Variants in GRID2 observed in about 807,000 individuals in gnomAD.
The protein encoded by GRID2 is glutamate receptor ionotropic, delta-2.
In GRID2, 33 loss-of-function variants were observed where a neutral mutation model predicts 114.8. The observed-to-expected ratio is 0.29, with a 90% CI of 0.22 to 0.38. The LOEUF (loss-of-function observed/expected upper bound fraction) is 0.38, where lower values mean the gene tolerates loss of function less well. Among genes scored for constraint, GRID2 ranks in the 10% least tolerant of loss-of-function variants. The pLI is 1.00. For missense variants in GRID2, 1,184 were observed against 1,257.7 expected (o/e 0.94, Z 0.89); for synonymous variants, 505 against 449.9 (o/e 1.12, Z -1.55).
intron 13 of GRID2, among the ~76,000 whole-genome samples, chr4:93,584,821 C>CA (rs960323232): frequency 1.3e-4 from 19 of 151,812 alleles, no homozygotes; most frequent in Non-Finnish European, 2.4e-4. Context: ...GATTAGGAAA[C>CA]AAAAATCAGT....
chr4:93,206,628 ACG>A (rs1742826378), intron 4 of GRID2, among the ~76,000 whole-genome samples: 1 of 150,818 alleles, frequency 6.6e-6, no homozygotes, highest in East Asian at 1.9e-4. Context: ...ACACACACAC[ACG>A]CATGCACACA....
At chr4:93,542,597 G>A (rs989895793) in intron 13 of GRID2, among the ~76,000 whole-genome samples, 1 of 152,070 alleles carries the variant, frequency 6.6e-6, no homozygotes, top group Non-Finnish European at 1.5e-5. Context: ...ATAAGATACG[G>A]GAAGCCATGA....
At position 92,713,080 on chromosome 4, in the gene GRID2, T is replaced by C. The variant is rs555723718; in HGVS notation, c.244+122794T>C. Among the ~76,000 whole-genome samples the C allele has an allele frequency of 3.9e-5, 6 of 152,060 alleles. No homozygotes were observed. The East Asian group carries it at 1.2e-3, about 30-fold the overall frequency. ...TTACATATGTATACATGTGCCATGTTGGTGTGCTGCACCCACTAACTCATC... is the reference window on the plus strand; with the variant it reads ...TTACATATGTATACATGTGCCATGTCGGTGTGCTGCACCCACTAACTCATC... On this transcript the variant is annotated intron_variant, in intron 2 of 15. Coordinates refer to ENST00000282020, the MANE Select transcript of GRID2 (RefSeq NM_001510.4).
At chr4:93,335,425 T>A (rs1344070036) in intron 8 of GRID2, among the ~76,000 whole-genome samples, 3 of 152,174 alleles carry the variant, frequency 2.0e-5, no homozygotes, top group African/African-American at 7.2e-5. Context: ...GACTGGATTA[T>A]CTTTGTACTA....
chr4:93,554,244 G>A (rs984655532), intron 13 of GRID2, among the ~76,000 whole-genome samples: 10 of 152,202 alleles, frequency 6.6e-5, no homozygotes, highest in African/African-American at 2.4e-4. Context: ...GCCATAAACT[G>A]AGCCTCATCC....
chr4:93,239,909 G>A (rs182035041), intron 8 of GRID2, among the ~76,000 whole-genome samples: 4 of 151,712 alleles, frequency 2.6e-5, no homozygotes, highest in East Asian at 1.9e-4. Flanking sequence ...TCAAGAATGC[G>A]TATATCCTTT....
intron 1 of GRID2, among the ~76,000 whole-genome samples, chr4:92,378,252 G>A (rs745635222): frequency 6.6e-6 from 1 of 151,896 alleles, no homozygotes; most frequent in Non-Finnish European, 1.5e-5. Flanking sequence ...CAAAAGATTA[G>A]ACATATTAAA....
chr4:93,141,558 T>C (rs757958609), intron 4 of GRID2, among the ~76,000 whole-genome samples: 3 of 151,858 alleles, frequency 2.0e-5, no homozygotes, highest in Non-Finnish European at 4.4e-5. Flanking sequence ...TTAAAGCTTT[T>C]GAAAAAAAAA....
At chr4:93,599,707 T>C (rs1366640657) in intron 13 of GRID2, among the ~76,000 whole-genome samples, 2 of 152,168 alleles carry the variant, frequency 1.3e-5, no homozygotes, top group African/African-American at 2.4e-5. Flanking sequence ...GAAAGAGATA[T>C]GACCCTTGAG....
At chr4:93,094,455 A>G (rs1731032436) in intron 3 of GRID2, among the ~76,000 whole-genome samples, 1 of 152,080 alleles carries the variant, frequency 6.6e-6, no homozygotes, top group Non-Finnish European at 1.5e-5. Flanking sequence ...TTTGTTTACT[A>G]TGGCACTCAG....
chr4:92,433,915 A>C (rs1294527857), intron 1 of GRID2, among the ~76,000 whole-genome samples: 2 of 152,252 alleles, frequency 1.3e-5, no homozygotes, highest in Non-Finnish European at 2.9e-5. Flanking sequence ...CAAGAACAGA[A>C]ATAAGAATAA....
chr4:92,636,924 G>A (rs1361795385), intron 2 of GRID2, among the ~76,000 whole-genome samples: 2 of 151,816 alleles, frequency 1.3e-5, no homozygotes, highest in Admixed American at 1.3e-4. Context: ...TAGTTTATAA[G>A]CCTGAGTTCA....
intron 2 of GRID2, among the ~76,000 whole-genome samples, chr4:92,733,457 T>TTG (rs1218150293): frequency 6.6e-6 from 1 of 152,034 alleles, no homozygotes; most frequent in African/African-American, 2.4e-5. Context: ...CTAGTTGGTG[T>TTG]TGATGACAGG....
At chr4:92,815,914 C>CAAAAAAAAAAAAAAAAAA (rs5860292) in intron 2 of GRID2, among the ~76,000 whole-genome samples, 4 of 46,864 alleles carry the variant, frequency 8.5e-5, no homozygotes, top group Non-Finnish European at 1.4e-4. Flanking sequence ...GACCCTGTCT[C>CAAAAAAAAAAAAAAAAAA]AAAAAAAAAA....
At chr4:93,257,034 A>C (rs960125858) in intron 8 of GRID2, among the ~76,000 whole-genome samples, 1 of 151,938 alleles carries the variant, frequency 6.6e-6, no homozygotes, top group African/African-American at 2.4e-5. Flanking sequence ...CAAAAAAGAA[A>C]TAGCAGTAAT....
chr4:93,450,296 C>T (rs1023566381), intron 10 of GRID2, among the ~76,000 whole-genome samples: 12 of 151,722 alleles, frequency 7.9e-5, no homozygotes, highest in African/African-American at 2.9e-4. Flanking sequence ...TACAGGGAAG[C>T]AGGTATTGAT....
intron 11 of GRID2, among the ~76,000 whole-genome samples, chr4:93,490,169 A>G (rs1353724432): frequency 6.6e-6 from 1 of 151,916 alleles, no homozygotes; most frequent in African/African-American, 2.4e-5. Flanking sequence ...TGAAGCCAAC[A>G]CTAATATGTG....
chr4:93,414,333 C>A (rs189891451), intron 9 of GRID2, among the ~76,000 whole-genome samples: 1 of 152,196 alleles, frequency 6.6e-6, no homozygotes, highest in Admixed American at 6.6e-5. Flanking sequence ...TCATGTCTCT[C>A]CTCTGCTCAG....
intron 1 of GRID2, among the ~76,000 whole-genome samples, chr4:92,439,661 C>T (rs1045542715): frequency 2.1e-5 from 3 of 144,862 alleles, no homozygotes; most frequent in African/African-American, 7.4e-5. Context: ...GGCCTGGATA[C>T]GGTTTTGTGC....
Sources: gnomAD v4.1 joint callset for allele counts (sites outside exome capture counted in the v4.1 genomes callset) on GRCh38, gnomAD v4.1.1 for gene constraint, MANE v1.5 for transcripts, NCBI Gene and HGNC (gene_info 2026-07-23, HGNC 2026-07-21) for gene names.